The following CPNE4 variants were observed in gnomAD, a reference collection of about 807,000 sequenced individuals.
CPNE4 encodes the protein copine-4.
A neutral mutation model predicts 67.9 loss-of-function variants in CPNE4; 25 were observed. The ratio of observed to expected loss-of-function variants is 0.37; its 90% CI spans 0.27 to 0.51. The LOEUF (loss-of-function observed/expected upper bound fraction) is 0.51, where lower values mean the gene tolerates loss of function less well. CPNE4 is among the 20% of genes least tolerant of loss of function. CPNE4 has a pLI of 0.93. For synonymous variants in CPNE4, 242 were observed against 244.9 expected, an observed-to-expected ratio of 0.99 and a Z score of 0.11; for missense variants, 464 against 690.8, an observed-to-expected ratio of 0.67 and a Z score of 3.68.
intron 7 of CPNE4, among the ~76,000 whole-genome samples, chr3:131,600,022 T>A (rs890554457): frequency 6.6e-6 from 1 of 152,056 alleles, no homozygotes; most frequent in Non-Finnish European, 1.5e-5. Context: ...ATCCTGAGGG[T>A]TGATCTATAT....
At chr3:132,018,043 C>A (rs1330352568) in intron 1 of CPNE4, among the ~76,000 whole-genome samples, 1 of 152,170 alleles carries the variant, frequency 6.6e-6, no homozygotes, top group East Asian at 1.9e-4. Context: ...ATGCCCAAAT[C>A]TTGGCAAATG....
intron 2 of CPNE4, among the ~76,000 whole-genome samples, chr3:131,817,464 C>T (rs935537291): frequency 1.3e-5 from 2 of 152,124 alleles, no homozygotes; most frequent in African/African-American, 4.8e-5. Flanking sequence ...AATAGTAGGA[C>T]AGGAGGTCAG....
chr3:131,917,300 G>A (rs1370182610), intron 1 of CPNE4, among the ~76,000 whole-genome samples: 2 of 152,186 alleles, frequency 1.3e-5, no homozygotes, highest in East Asian at 1.9e-4. Context: ...TGTTGCTATG[G>A]ATGAAAACAA....
At chr3:131,818,100 C>T (rs531186424) in intron 2 of CPNE4, among the ~76,000 whole-genome samples, 1 of 152,280 alleles carries the variant, frequency 6.6e-6, no homozygotes, top group South Asian at 2.1e-4. Context: ...TCTGATGAGT[C>T]AATCAACAGG....
intron 1 of CPNE4, among the ~76,000 whole-genome samples, chr3:131,924,878 C>T (rs544259187): frequency 6.6e-6 from 1 of 152,252 alleles, no homozygotes; most frequent in Admixed American, 6.5e-5. Context: ...ATGCAACATG[C>T]TCTCTGTTCT....
At chr3:131,995,463 T>A (rs1177379271) in intron 1 of CPNE4, among the ~76,000 whole-genome samples, 1 of 152,232 alleles carries the variant, frequency 6.6e-6, no homozygotes, top group East Asian at 1.9e-4. Flanking sequence ...GGAACTCCAT[T>A]CACAAAACAT....
At chr3:131,619,365 T>G (rs1007852724) in intron 7 of CPNE4, among the ~76,000 whole-genome samples, 1 of 152,142 alleles carries the variant, frequency 6.6e-6, no homozygotes, top group Non-Finnish European at 1.5e-5. Context: ...TTTCTGGTTG[T>G]CTTTCTGTGA....
intron 2 of CPNE4, among the ~76,000 whole-genome samples, chr3:131,891,830 G>T (rs536673505): frequency 1.2e-4 from 19 of 152,110 alleles, no homozygotes; most frequent in African/African-American, 4.3e-4. Flanking sequence ...TCATCAATGG[G>T]CATTTGATTA....
chr3:131,683,460 T>A (rs1435322850), intron 6 of CPNE4, among the ~76,000 whole-genome samples: 1 of 152,214 alleles, frequency 6.6e-6, no homozygotes, highest in Non-Finnish European at 1.5e-5. Context: ...GGACTCTGCC[T>A]GGTGCCCTAT....
At chr3:131,777,732 C>T (rs1313050171) in intron 2 of CPNE4, among the ~76,000 whole-genome samples, 1 of 152,188 alleles carries the variant, frequency 6.6e-6, no homozygotes, top group East Asian at 1.9e-4. Flanking sequence ...TCAAAAGAAT[C>T]TTAAGCTCCC....
chr3:131,792,925 G>GTGTGTGTGTGTGTGTATCTATA lies in CPNE4; in HGVS notation c.181-69301_181-69300insTATAGATACACACACACACACA, dbSNP rs58502463. Among the ~76,000 whole-genome samples, 602 of 135,184 alleles carry GTGTGTGTGTGTGTGTATCTATA rather than the reference G, an allele frequency of 4.5e-3. 2 individuals are homozygous for GTGTGTGTGTGTGTGTATCTATA. The highest frequency in any genetic ancestry group is 0.016 in the African/African-American group (570 of 34,948). 88.7% of individuals were successfully genotyped at this position (135,184 alleles called of 152,430 possible). On this transcript the variant is annotated intron_variant, in intron 2 of 15. Coordinates refer to ENST00000429747, the MANE Select transcript of CPNE4 (RefSeq NM_130808.3). ...TGTGTGTGTGTGTGTGTGTGTGTGT[G>GTGTGTGTGTGTGTGTATCTATA]TATCTCCAACAAAACATGCCAAAAC...
chr3:131,907,108 G>T (rs2088802955), intron 1 of CPNE4, among the ~76,000 whole-genome samples: 1 of 152,068 alleles, frequency 6.6e-6, no homozygotes, highest in Admixed American at 6.6e-5. Context: ...ATGAAGAAAT[G>T]CTCTCCATGT....
intron 2 of CPNE4, among the ~76,000 whole-genome samples, chr3:131,786,336 G>C (rs1206316475): frequency 1.3e-5 from 2 of 152,136 alleles, no homozygotes; most frequent in Non-Finnish European, 2.9e-5. Context: ...GTGACTGGAA[G>C]TTTCTGAGTA....
intron 2 of CPNE4, among the ~76,000 whole-genome samples, chr3:131,854,794 C>A (rs991623391): frequency 3.3e-5 from 5 of 151,296 alleles, no homozygotes; most frequent in Admixed American, 3.3e-4. Flanking sequence ...CATTACTCCC[C>A]ACCCTCCTCC....
chr3:131,752,715 C>T (rs146677940), intron 2 of CPNE4, among the ~76,000 whole-genome samples: 6 of 152,210 alleles, frequency 3.9e-5, no homozygotes, highest in Admixed American at 6.5e-5. Flanking sequence ...ACATGAAAGA[C>T]ACAACATTTA....
chr3:131,827,388 G>A (rs951272964), intron 2 of CPNE4, among the ~76,000 whole-genome samples: 3 of 150,926 alleles, frequency 2.0e-5, no homozygotes, highest in African/African-American at 7.5e-5. Flanking sequence ...GGTAATTCAT[G>A]GCTACTCATG....
rs1934998850 is a variant in CPNE4, at chr3:131,533,699, A to G, written c.*1496T>C. 1 of 152,240 alleles carries G rather than the reference A, an allele frequency of 6.6e-6. No individual in the cohort carries two copies. The highest frequency in any genetic ancestry group is 1.5e-5 in the Non-Finnish European group (1 of 68,036). The allele number at this position is 152,240 out of a possible 1,614,324, so 9.4% of individuals were successfully genotyped here. ...ACATGTATTTGCAAGATTAGGATCT[A>G]TAATTGTAACTGTGGAAATCATAGA... On this transcript the variant is annotated 3_prime_UTR_variant, in exon 16 of 16. Transcript: ENST00000429747.
chr3:132,029,890 CTCTT>C (rs60242753), intron 1 of CPNE4, among the ~76,000 whole-genome samples: 79,317 of 151,706 alleles, frequency 0.52, 21,144 homozygotes, highest in South Asian at 0.62. Flanking sequence ...CTCATAAACT[CTCTT>C]TGTTTACTTT....
chr3:131,539,921 T>C (rs2107625542), intron 15 of CPNE4, among the ~76,000 whole-genome samples: 1 of 152,212 alleles, frequency 6.6e-6, no homozygotes, highest in East Asian at 1.9e-4. Context: ...GCTTCATTAA[T>C]GAACATAATT....
Sources: allele counts gnomAD v4.1 joint callset (sites outside exome capture counted in the v4.1 genomes callset), GRCh38; gene constraint gnomAD v4.1.1; transcripts MANE v1.5; gene names NCBI Gene and HGNC (gene_info 2026-07-23, HGNC 2026-07-21).